PIWIL3: variants seen among roughly 807,000 people sequenced by gnomAD.
PIWIL3 encodes piwi-like protein 3.
Under a neutral mutation model 109.7 loss-of-function variants are expected in PIWIL3, and 101 were observed. That is an observed-to-expected ratio of 0.92 (90% CI 0.78 to 1.09). The LOEUF (loss-of-function observed/expected upper bound fraction) is 1.09, where lower values mean the gene tolerates loss of function less well. PIWIL3 is among the 50% of genes least tolerant of loss of function. The probability of loss-of-function intolerance (pLI) is 0.00; values close to 1 mark genes in which losing one functional copy is unlikely to be tolerated. For missense variants in PIWIL3, 1,031 were observed against 1,072.6 expected (o/e 0.96, Z 0.54); for synonymous variants, 373 against 376.4 (o/e 0.99, Z 0.10).
intron 14 of PIWIL3, among the ~76,000 whole-genome samples, chr22:24,730,219 T>G (rs926439981): frequency 1.3e-5 from 2 of 151,798 alleles, no homozygotes; most frequent in Non-Finnish European, 2.9e-5. Context: ...ACAAAAATTA[T>G]CCAGGCATGG....
chr22:24,744,178 T>TTAAAAAAAAAAAAAAA (rs1924180538), intron 12 of PIWIL3, among the ~76,000 whole-genome samples: 420 of 34,316 alleles, frequency 0.012, 150 homozygotes, highest in Middle Eastern at 0.022. Context: ...GTGACCGAAT[T>TTAAAAAAAAAAAAAAA]AAAAAAAAAA....
At position 24,774,436 on chromosome 22, in the gene PIWIL3, G is replaced by C. The variant is rs2147741979; in HGVS notation, c.-137C>G. ...TTCCACAGATGGAAAAATAATTCAG[G>C]ACAAGCCACTGGAGGGGGTCACACC... On this transcript the variant is annotated 5_prime_UTR_variant, in exon 1 of 21. Transcript: ENST00000616349. 6.6e-6 allele frequency: 1 copy of C among 152,268 alleles called. No individual in the cohort carries two copies. Among genetic ancestry groups the C allele is most frequent in the South Asian group, 2.1e-4 (1 of 4,826 alleles). The allele number at this position is 152,268 out of a possible 1,614,324, so 9.4% of individuals were successfully genotyped here. A position where few individuals can be genotyped will look rare whatever the true frequency, so the allele number is the denominator to read the frequency against.
chr22:24,728,115 A>T (rs1267658870), intron 15 of PIWIL3, 62 bp from the exon 16 acceptor site: 1 of 1,607,200 alleles, frequency 6.2e-7, no homozygotes, highest in Non-Finnish European at 8.5e-7. Flanking sequence ...AGCATTAACA[A>T]TTAAGAGAAT....
chr22:24,748,076 C>T (rs539651885), intron 12 of PIWIL3, among the ~76,000 whole-genome samples: 12 of 151,256 alleles, frequency 7.9e-5, no homozygotes, highest in African/African-American at 2.7e-4. Context: ...GATACATATA[C>T]ACAATGGAGT....
chr22:24,720,169 T>C (rs552631191), intron 19 of PIWIL3, among the ~76,000 whole-genome samples: 2 of 151,854 alleles, frequency 1.3e-5, no homozygotes, highest in African/African-American at 4.8e-5. Context: ...TTGGCACATT[T>C]GATCTGATAT....
intron 1 of PIWIL3, among the ~76,000 whole-genome samples, chr22:24,771,957 G>C (rs1173488651): frequency 6.6e-6 from 1 of 152,184 alleles, no homozygotes; most frequent in Non-Finnish European, 1.5e-5. Context: ...GCCTCCCAAA[G>C]TGCTGGGATT....
At chr22:24,757,870 G>A (rs544404996) in intron 4 of PIWIL3, 38 bp downstream of exon 4, 57 of 1,493,548 alleles carry the variant, frequency 3.8e-5, no homozygotes, top group Middle Eastern at 4.4e-4. Flanking sequence ...AGTTAAAAAC[G>A]AACAGCTCCA....
intron 12 of PIWIL3, among the ~76,000 whole-genome samples, chr22:24,744,275 G>GA (rs563176142): frequency 4.9e-5 from 7 of 141,730 alleles, no homozygotes; most frequent in Non-Finnish European, 1.1e-4. Context: ...ATAAAGGCAT[G>GA]AAAAAACACA....
intron 7 of PIWIL3, 90 bp downstream of exon 7, chr22:24,754,694 G>A: frequency 1.9e-6 from 2 of 1,036,178 alleles, no homozygotes; most frequent in African/African-American, 1.6e-5. Flanking sequence ...CACTTTTAAG[G>A]CATACCACTT....
chr22:24,759,106 C>T (rs796255827), intron 3 of PIWIL3, among the ~76,000 whole-genome samples: 36 of 152,312 alleles, frequency 2.4e-4, no homozygotes, highest in African/African-American at 8.7e-4. Context: ...GTTGGCCAAT[C>T]TGGTCTTGAA....
In PIWIL3 at chr22:24,727,976, A is replaced by C. The variant is rs770430134; in HGVS notation, c.1983T>G (p.Val661=). 3 of 1,613,664 alleles carry C rather than the reference A, an allele frequency of 1.9e-6. No homozygotes were observed. Among genetic ancestry groups the C allele is most frequent in the Non-Finnish European group, 2.5e-6 (3 of 1,179,904 alleles). The change falls in exon 16 of 21, where the codon GTT becomes GTG. Residue 661 remains valine, a synonymous_variant. Transcript: ENST00000616349. ...VNRQKSIAGF[V]ASTNAELTKW... is the part of the protein sequence containing the mutation. ...TTGTTAATTCAGCATTGGTACTTGC[A>C]ACAAATCCTGCTATTGATTTCTGTC...
At chr22:24,771,868 G>T (rs1926153988) in intron 1 of PIWIL3, among the ~76,000 whole-genome samples, 1 of 151,952 alleles carries the variant, frequency 6.6e-6, no homozygotes. Flanking sequence ...GCTAATTTTT[G>T]TATCGTTAGT....
intron 4 of PIWIL3, 126 bp downstream of exon 4, chr22:24,757,782 G>A: frequency 8.5e-7 from 1 of 1,171,862 alleles, no homozygotes; most frequent in Non-Finnish European, 1.2e-6. Context: ...AGGAGTTTGA[G>A]GCTAAAGTGA....
rs200892657 is a variant in PIWIL3, at chr22:24,727,900, T to G, written c.2009+50A>C. On this transcript the variant is annotated intron_variant, in intron 16 of 20. Transcript: ENST00000616349. ...TATTAATTAGGTTCATCTTTTCTAT[T>G]TGGTCCACAGTCAGCTACTAACTAA... 3.5e-6 allele frequency: 5 copies of G among 1,421,482 alleles called. No individual in the cohort carries two copies. The African/African-American group carries it at 5.7e-5, about 16-fold the overall frequency. The allele number at this position is 1,421,482 out of a possible 1,614,324, so 88.1% of individuals were successfully genotyped here.
intron 12 of PIWIL3, 52 bp from the exon 13 acceptor site, chr22:24,735,944 T>G (rs1176247765): frequency 2.1e-6 from 3 of 1,416,668 alleles, no homozygotes; most frequent in African/African-American, 2.9e-5. Flanking sequence ...AAGATCAACT[T>G]ATCTGAGATC....
At chr22:24,751,760 C>G (rs1041271275) in intron 8 of PIWIL3, among the ~76,000 whole-genome samples, 4 of 152,226 alleles carry the variant, frequency 2.6e-5, no homozygotes, top group African/African-American at 9.7e-5. Flanking sequence ...AATCCACCAG[C>G]CTTCAGGCAG....
chr22:24,743,277 A>C (rs1924116831), intron 12 of PIWIL3, among the ~76,000 whole-genome samples: 1 of 152,224 alleles, frequency 6.6e-6, no homozygotes, highest in African/African-American at 2.4e-5. Flanking sequence ...ACCACTCTGG[A>C]AAACAGTGTA....
At position 24,719,317 on chromosome 22, in the gene PIWIL3, T is replaced by C. The variant is rs1355841557; in HGVS notation, c.*155A>G. On this transcript the variant is annotated 3_prime_UTR_variant, in exon 21 of 21. Transcript: ENST00000616349. ...AATCAGTCTGTGGTAGTATTGAGAGTAGAACATATCACTCTGAATCTCTCC... is the reference window on the plus strand; with the variant it reads ...AATCAGTCTGTGGTAGTATTGAGAGCAGAACATATCACTCTGAATCTCTCC... The C allele has an allele frequency of 1.8e-6, 1 of 542,598 alleles. No homozygotes were observed. The highest frequency in any genetic ancestry group is 3.3e-5 in the East Asian group (1 of 30,456). 33.6% of individuals were successfully genotyped at this position (542,598 alleles called of 1,614,324 possible).
Position 24,719,854 on chromosome 22 carries a change from G to T in PIWIL3, c.2399C>A (p.Thr800Asn), listed in dbSNP as rs1922556724. 1 of 1,611,576 alleles carries T rather than the reference G, an allele frequency of 6.2e-7. No homozygotes were observed. Among genetic ancestry groups the T allele is most frequent in the Non-Finnish European group, 8.5e-7 (1 of 1,177,862 alleles). ...FIVSQSVQDG[T>N]VTPTHYNVIY... ...GACGTTATAATGAGTGGGGGTAACAGTCCCATCTTGCACAGACTGACTCAC... is the reference window on the plus strand; with the variant it reads ...GACGTTATAATGAGTGGGGGTAACATTCCCATCTTGCACAGACTGACTCAC... Residue 800 changes from threonine (T) to asparagine (N), a missense_variant, in exon 20 of 21, where the codon ACT (threonine) becomes AAT (asparagine). Coordinates refer to ENST00000616349, the MANE Select transcript of PIWIL3 (RefSeq NM_001255975.1).
Sources: allele counts gnomAD v4.1 joint callset (sites outside exome capture counted in the v4.1 genomes callset), GRCh38; gene constraint gnomAD v4.1.1; transcripts MANE v1.5; gene names NCBI Gene and HGNC (gene_info 2026-07-23, HGNC 2026-07-21).